Variants in NSMCE2 observed in about 807,000 individuals in gnomAD.
NSMCE2 encodes NSE2 SUMO ligase component of SMC5/6 complex.
Under a neutral mutation model 23.8 loss-of-function variants are expected in NSMCE2, and 24 were observed. That is an observed-to-expected ratio of 1.01 (90% CI 0.73 to 1.42). The LOEUF is 1.42. Among genes scored for constraint, NSMCE2 ranks in the 40% most tolerant of loss-of-function variants. The pLI, the probability that NSMCE2 is intolerant of heterozygous loss-of-function variation, is 0.00. For synonymous variants in NSMCE2, 92 were observed against 94.1 expected (o/e 0.98, Z 0.13); for missense variants, 284 against 296.5 (o/e 0.96, Z 0.31).
chr8:125,220,733 T>C (rs997680334), intron 5 of NSMCE2, among the ~76,000 whole-genome samples: 13 of 152,318 alleles, frequency 8.5e-5, no homozygotes, highest in Non-Finnish European at 1.6e-4. Flanking sequence ...CCAAAAGCCC[T>C]TTCAGAAGAT....
intron 3 of NSMCE2, among the ~76,000 whole-genome samples, chr8:125,110,316 A>G (rs961424531): frequency 6.6e-6 from 1 of 152,262 alleles, no homozygotes; most frequent in African/African-American, 2.4e-5. Flanking sequence ...GTAAAGGATT[A>G]AAGTTTTCTC....
At chr8:125,160,659 T>C (rs1407455504) in intron 4 of NSMCE2, among the ~76,000 whole-genome samples, 1 of 152,198 alleles carries the variant, frequency 6.6e-6, no homozygotes, top group African/African-American at 2.4e-5. Flanking sequence ...TAATATGTGA[T>C]CATTAATAGT....
intron 5 of NSMCE2, chr8:125,348,612 T>G (rs1812883466): frequency 6.6e-6 from 1 of 152,182 alleles, no homozygotes; most frequent in Admixed American, 6.5e-5. Flanking sequence ...GTGTCCTCCC[T>G]ACTTTTCTCA....
chr8:125,327,607 T>G (rs570447233), intron 5 of NSMCE2, among the ~76,000 whole-genome samples: 1 of 152,112 alleles, frequency 6.6e-6, no homozygotes, highest in Admixed American at 6.6e-5. Context: ...AGAGAGAGGG[T>G]AGGTACAGAA....
intron 5 of NSMCE2, among the ~76,000 whole-genome samples, chr8:125,294,076 TG>T (rs1828228682): frequency 6.6e-6 from 1 of 152,246 alleles, no homozygotes. Context: ...CTTTTGTGAC[TG>T]GATTCTTTCA....
chr8:125,366,620 C>T (rs1813808333), intron 7 of NSMCE2, 148 bp from the exon 8 acceptor site: 1 of 630,532 alleles, frequency 1.6e-6, no homozygotes, highest in Non-Finnish European at 2.9e-6. Flanking sequence ...GGTAGGGACT[C>T]AGTGAATAAA....
chr8:125,316,540 C>T (rs1056488947), intron 5 of NSMCE2, among the ~76,000 whole-genome samples: 16 of 152,150 alleles, frequency 1.1e-4, no homozygotes, highest in Non-Finnish European at 2.2e-4. Flanking sequence ...TTAGAATAAC[C>T]GTTGTCTGTC....
At chr8:125,234,536 A>C (rs1040516982) in intron 5 of NSMCE2, among the ~76,000 whole-genome samples, 49 of 152,206 alleles carry the variant, frequency 3.2e-4, no homozygotes, top group Non-Finnish European at 4.4e-5. Context: ...CTTTATTATA[A>C]TAACTTAATA....
intron 5 of NSMCE2, among the ~76,000 whole-genome samples, chr8:125,201,461 G>C (rs192918847): frequency 1.1e-4 from 17 of 152,308 alleles, no homozygotes; most frequent in African/African-American, 3.9e-4. Flanking sequence ...GTTTGCTGGA[G>C]GTCCATTCCA....
intron 5 of NSMCE2, among the ~76,000 whole-genome samples, chr8:125,322,572 T>C (rs1157685237): frequency 2.6e-5 from 4 of 152,172 alleles, no homozygotes; most frequent in Admixed American, 1.3e-4. Context: ...AGCAAGGATG[T>C]CTACTCTTAC....
chr8:125,208,165 G>A (rs1187299275), intron 5 of NSMCE2, among the ~76,000 whole-genome samples: 3 of 152,046 alleles, frequency 2.0e-5, no homozygotes, highest in African/African-American at 4.8e-5. Context: ...TCTTTTCTCA[G>A]TACATTACCC....
At chr8:125,120,901 G>T (rs1410538417) in intron 3 of NSMCE2, among the ~76,000 whole-genome samples, 1 of 152,166 alleles carries the variant, frequency 6.6e-6, no homozygotes, top group Non-Finnish European at 1.5e-5. Context: ...CTTGACTAAA[G>T]TTGAGAGGAA....
At chr8:125,228,671 C>T (rs924252845) in intron 5 of NSMCE2, among the ~76,000 whole-genome samples, 1 of 152,038 alleles carries the variant, frequency 6.6e-6, no homozygotes, top group African/African-American at 2.4e-5. Flanking sequence ...AGTGAATGTC[C>T]CAGAGAGTCT....
At chr8:125,323,719 A>G (rs187864055) in intron 5 of NSMCE2, among the ~76,000 whole-genome samples, 149 of 152,338 alleles carry the variant, frequency 9.8e-4, no homozygotes, top group Non-Finnish European at 1.7e-3. Context: ...ACCTAAAACT[A>G]TAGAAGCCCT....
intron 5 of NSMCE2, among the ~76,000 whole-genome samples, chr8:125,316,703 C>T (rs370659339): frequency 0.33 from 31,269 of 94,756 alleles, 5,963 homozygotes; most frequent in Middle Eastern, 0.47. Context: ...TCTTTCCTTC[C>T]TTCCTTCTTT....
At position 125,102,390 on chromosome 8, in the gene NSMCE2, A is replaced by G. The variant is rs765524607; in HGVS notation, c.60A>G (p.Val20=). 6.2e-7 allele frequency: 1 copy of G among 1,613,396 alleles called. No homozygotes were observed. Among genetic ancestry groups the G allele is most frequent in the Non-Finnish European group, 8.5e-7 (1 of 1,179,328 alleles). ...GSTGFISFSG[V]ESALSSLKNF... Reference sequence around the variant, plus strand: ...CTGGTTTCATCTCCTTCAGTGGTGTAGAGTCTGCTCTCTCCTCCTTGAAAA... The same window carrying G: ...CTGGTTTCATCTCCTTCAGTGGTGTGGAGTCTGCTCTCTCCTCCTTGAAAA... Residue 20 remains valine, a synonymous_variant, in exon 3 of 8, where the codon GTA becomes GTG. Coordinates refer to ENST00000287437, the MANE Select transcript of NSMCE2 (RefSeq NM_173685.4).
At chr8:125,165,864 T>C (rs1308084252) in intron 4 of NSMCE2, among the ~76,000 whole-genome samples, 1 of 152,186 alleles carries the variant, frequency 6.6e-6, no homozygotes, top group Non-Finnish European at 1.5e-5. Flanking sequence ...GGTGTGCTAG[T>C]GGGAAGTAAC....
At chr8:125,276,187 G>A (rs1197829807) in intron 5 of NSMCE2, among the ~76,000 whole-genome samples, 2 of 152,146 alleles carry the variant, frequency 1.3e-5, no homozygotes, top group Non-Finnish European at 2.9e-5. Flanking sequence ...CCCAGCCCCT[G>A]TACTGCCCAG....
chr8:125,158,135 G>A (rs886531290), intron 4 of NSMCE2, among the ~76,000 whole-genome samples: 2 of 152,168 alleles, frequency 1.3e-5, no homozygotes, highest in African/African-American at 4.8e-5. Flanking sequence ...TACGAAGGAG[G>A]CTGTGAGATA....
Sources: gnomAD v4.1 joint callset for allele counts (sites outside exome capture counted in the v4.1 genomes callset) on GRCh38, gnomAD v4.1.1 for gene constraint, MANE v1.5 for transcripts, NCBI Gene and HGNC (gene_info 2026-07-23, HGNC 2026-07-21) for gene names.